Variants in N4BP2 observed in about 807,000 individuals in gnomAD.
N4BP2 encodes the protein NEDD4-binding protein 2.
Under a neutral mutation model 152.8 loss-of-function variants are expected in N4BP2, and 91 were observed. That is an observed-to-expected ratio of 0.60 (90% CI 0.50 to 0.71). The LOEUF is 0.71. N4BP2 is among the 30% of genes least tolerant of loss of function. N4BP2 has a pLI of 0.00. For synonymous variants in N4BP2, 646 were observed against 705.3 expected, an observed-to-expected ratio of 0.92 and a Z score of 1.33; for missense variants, 1,923 against 2,059.1, an observed-to-expected ratio of 0.93 and a Z score of 1.28.
At position 40,152,875 on chromosome 4, in the gene N4BP2, A is replaced by G. The variant is rs796764490; in HGVS notation, c.5239A>G (p.Ile1747Val). ...GGVARIKPAVIKYLISHSFRF... is the reference protein window; with the variant it reads ...GGVARIKPAVVKYLISHSFRF... ...AGTTGCTCGCATCAAACCAGCTGTC[A>G]TTAAGTACCTCATAAGCCATAGCTT... Residue 1747 changes from isoleucine to valine, a missense_variant, in exon 17 of 18, where the codon ATT (isoleucine) becomes GTT (valine). Transcript: ENST00000261435. 4 of 1,614,124 alleles carry G rather than the reference A, an allele frequency of 2.5e-6. No homozygotes were observed. The highest frequency in any genetic ancestry group is 3.4e-6 in the Non-Finnish European group (4 of 1,179,976).
chr4:40,123,172 T>C lies in N4BP2; in HGVS notation c.4244T>C (p.Leu1415Pro). Reference sequence around the variant, plus strand: ...TGTGTGGTTCATATAGATCTGAATCTGGCGAAAGTGATTCATGAGAAATGG... The same window carrying C: ...TGTGTGGTTCATATAGATCTGAATCCGGCGAAAGTGATTCATGAGAAATGG... ...EDCVVHIDLN[L>P]AKVIHEKWKE... The change falls in exon 10 of 18, where the codon CTG (leucine) becomes CCG (proline). Residue 1415 changes from leucine to proline, a missense_variant. Coordinates refer to ENST00000261435, the MANE Select transcript of N4BP2 (RefSeq NM_018177.6). The C allele has an allele frequency of 6.2e-7, 1 of 1,613,270 alleles. No homozygotes were observed. Among genetic ancestry groups the C allele is most frequent in the Non-Finnish European group, 8.5e-7 (1 of 1,179,384 alleles).
At chr4:40,113,543 G>T in intron 7 of N4BP2, 35 bp downstream of exon 7, 2 of 1,420,494 alleles carry the variant, frequency 1.4e-6, no homozygotes, top group Non-Finnish European at 2.0e-6. Flanking sequence ...TGCTTTTTAT[G>T]TAACGACAGA....
chr4:40,120,393 C>G lies in N4BP2; in HGVS notation c.2282C>G (p.Thr761Arg). ...GGTGAAATAGTGGAAGAAAGAGCAA[C>G]AGTAACGAAAAAAGCCTTTGGGAAA... ...SPGEIVEERA[T>R]VTKKAFGKQK... Residue 761 changes from threonine (T) to arginine (R), a missense_variant, in exon 9 of 18, where the codon ACA (threonine) becomes AGA (arginine). Physicochemically the swap from Thr to Arg is moderately conservative, Grantham distance 71. Coordinates refer to ENST00000261435, the MANE Select transcript of N4BP2 (RefSeq NM_018177.6). 1 of 1,613,658 alleles carries G rather than the reference C, an allele frequency of 6.2e-7. No individual in the cohort carries two copies.
At chr4:40,115,589 G>A (rs1432070873) in intron 7 of N4BP2, among the ~76,000 whole-genome samples, 1 of 152,082 alleles carries the variant, frequency 6.6e-6, no homozygotes, top group Admixed American at 6.6e-5. Context: ...TTATTTTCTA[G>A]TTTGCATTAT....
the N4BP2 span, among the ~76,000 whole-genome samples, chr4:40,181,950 A>C: frequency 6.6e-6 from 1 of 152,130 alleles, no homozygotes; most frequent in East Asian, 1.9e-4. Flanking sequence ...CTCTGTCTCC[A>C]AAAAAGAGAA....
chr4:40,066,789 T>C (rs1352184898), intron 1 of N4BP2, among the ~76,000 whole-genome samples: 1 of 152,200 alleles, frequency 6.6e-6, no homozygotes, highest in Non-Finnish European at 1.5e-5. Context: ...AGAACAGTAG[T>C]GTTAACTATG....
At chr4:40,163,299 G>A in the N4BP2 span, among the ~76,000 whole-genome samples, 2 of 152,170 alleles carry the variant, frequency 1.3e-5, no homozygotes, top group African/African-American at 4.8e-5. Context: ...TGCCCACATG[G>A]CCGACATTGT....
chr4:40,058,548 A>G (rs73229742), intron 1 of N4BP2, among the ~76,000 whole-genome samples: 1 of 152,134 alleles, frequency 6.6e-6, no homozygotes, highest in Non-Finnish European at 1.5e-5. Context: ...AAAACAATAA[A>G]GAATAAAGCA....
At chr4:40,186,011 A>G in the N4BP2 span, among the ~76,000 whole-genome samples, 1 of 152,110 alleles carries the variant, frequency 6.6e-6, no homozygotes, top group African/African-American at 2.4e-5. Flanking sequence ...GTACTCCTTT[A>G]TCTTCCCATG....
intron 2 of N4BP2, among the ~76,000 whole-genome samples, chr4:40,091,602 CTTTTTTT>C (rs35142277): frequency 1.2e-4 from 10 of 80,470 alleles, no homozygotes; most frequent in Non-Finnish European, 1.9e-4. Context: ...GTATACAATC[CTTTTTTT>C]TTTTTTTTTT....
chr4:40,104,097 C>A (rs1048457773), intron 4 of N4BP2, among the ~76,000 whole-genome samples: 5 of 151,928 alleles, frequency 3.3e-5, no homozygotes, highest in African/African-American at 1.2e-4. Flanking sequence ...GGACTACAGG[C>A]GCCCACCACC....
downstream of N4BP2, among the ~76,000 whole-genome samples, chr4:40,158,875 G>C (rs1267775942): frequency 6.6e-6 from 1 of 152,074 alleles, no homozygotes; most frequent in Non-Finnish European, 1.5e-5. Flanking sequence ...CATTTTGCAA[G>C]GACTTAAAAA....
intron 7 of N4BP2, among the ~76,000 whole-genome samples, chr4:40,115,950 T>C (rs904098945): frequency 6.6e-6 from 1 of 152,206 alleles, no homozygotes; most frequent in Non-Finnish European, 1.5e-5. Context: ...CTGCCTATGT[T>C]TGCTTTACAT....
chr4:40,129,061 C>CT (rs915691029), intron 12 of N4BP2, among the ~76,000 whole-genome samples: 5 of 151,344 alleles, frequency 3.3e-5, no homozygotes, highest in Middle Eastern at 3.4e-3. Flanking sequence ...TTTTTCTTTT[C>CT]TTTTTTTTGA....
intron 1 of N4BP2, among the ~76,000 whole-genome samples, chr4:40,057,411 C>A (rs1193820116): frequency 6.6e-6 from 1 of 152,238 alleles, no homozygotes; most frequent in Non-Finnish European, 1.5e-5. Context: ...GACCTTGCGC[C>A]CCTCCAGGCG....
intron 11 of N4BP2, among the ~76,000 whole-genome samples, 191 bp downstream of exon 11, chr4:40,124,396 G>C (rs1025533053): frequency 6.6e-6 from 1 of 151,964 alleles, no homozygotes; most frequent in African/African-American, 2.4e-5. Context: ...GCCCAGGCTA[G>C]AGTGCAGTGG....
In N4BP2 at chr4:40,121,335, G is replaced by T; in HGVS notation, c.3224G>T (p.Ser1075Ile). The T allele has an allele frequency of 6.2e-7, 1 of 1,613,852 alleles. No homozygotes were observed. The highest frequency in any genetic ancestry group is 8.5e-7 in the Non-Finnish European group (1 of 1,179,936). Reference protein sequence around the residue: ...AIPYRVMYDKSTFVEESELTS... With the variant: ...AIPYRVMYDKITFVEESELTS... ...CCATATAGAGTAATGTATGATAAAA[G>T]CACGTTTGTTGAAGAAAGTGAGCTT... The change falls in exon 9 of 18, where the codon AGC (serine) becomes ATC (isoleucine). Residue 1075 changes from serine (S) to isoleucine (I), a missense_variant. Physicochemically the swap from Ser to Ile is moderately radical, Grantham distance 142. Transcript: ENST00000261435.
the N4BP2 span, among the ~76,000 whole-genome samples, chr4:40,165,842 A>G: frequency 6.6e-6 from 1 of 152,214 alleles, no homozygotes; most frequent in Admixed American, 6.5e-5. Context: ...TTTTCCCTTC[A>G]TATTCTTTCT....
intron 2 of N4BP2, among the ~76,000 whole-genome samples, chr4:40,074,123 C>T (rs757563218): frequency 6.0e-5 from 9 of 149,898 alleles, no homozygotes; most frequent in Middle Eastern, 3.5e-3. Context: ...TGGAGTGTTG[C>T]TCTATTGCTC....
Sources: gnomAD v4.1 joint callset for allele counts (sites outside exome capture counted in the v4.1 genomes callset) on GRCh38, gnomAD v4.1.1 for gene constraint, MANE v1.5 for transcripts, NCBI Gene and HGNC (gene_info 2026-07-23, HGNC 2026-07-21) for gene names.